The following IGFL2 variants were observed in gnomAD, a reference collection of about 807,000 sequenced individuals.
IGFL2 encodes insulin growth factor-like family member 2.
IGFL2 carries 7 observed loss-of-function variants against 13.9 expected under a neutral mutation model. The ratio of observed to expected loss-of-function variants is 0.51; its 90% CI spans 0.29 to 0.95. The LOEUF is 0.95. Ranked by LOEUF, IGFL2 falls within the 40% of genes least tolerant of loss-of-function variation. The probability of loss-of-function intolerance (pLI) is 0.08; values close to 1 mark genes in which losing one functional copy is unlikely to be tolerated. For missense variants in IGFL2, 138 were observed against 147.8 expected (o/e 0.93, Z 0.34); for synonymous variants, 55 against 55.8 (o/e 0.99, Z 0.07).
the IGFL2 span, among the ~76,000 whole-genome samples, chr19:46,167,721 T>C: frequency 6.6e-6 from 1 of 152,120 alleles, no homozygotes; most frequent in Non-Finnish European, 1.5e-5. Flanking sequence ...AGGAAGTGCT[T>C]GAGGTCATAA....
the IGFL2 span, chr19:46,124,109 A>T: frequency 6.7e-5 from 108 of 1,610,938 alleles, 2 homozygotes; most frequent in Non-Finnish European, 8.6e-5. Flanking sequence ...TTGTTCCCAC[A>T]CCTGGGTGTC....
chr19:46,101,422 G>A, the IGFL2 span, among the ~76,000 whole-genome samples: 1 of 152,046 alleles, frequency 6.6e-6, no homozygotes, highest in Non-Finnish European at 1.5e-5. Flanking sequence ...CCTGGCTGGG[G>A]TAGCTGAAGT....
chr19:46,122,848 G>A, the IGFL2 span, among the ~76,000 whole-genome samples: 1 of 150,844 alleles, frequency 6.6e-6, no homozygotes, highest in Non-Finnish European at 1.5e-5. Flanking sequence ...GGAGGAAGGG[G>A]AGGAAGGACT....
upstream of IGFL2, among the ~76,000 whole-genome samples, chr19:46,140,751 G>A (rs1381967439): frequency 6.6e-6 from 1 of 152,134 alleles, no homozygotes; most frequent in East Asian, 1.9e-4. Context: ...ACCAGTACCA[G>A]GACAGGAAAA....
chr19:46,197,462 A>T, the IGFL2 span: 1 of 153,456 alleles, frequency 6.5e-6, no homozygotes, highest in East Asian at 2.0e-4. Context: ...TCACAACCTC[A>T]CTCTCTCAAC....
the IGFL2 span, among the ~76,000 whole-genome samples, chr19:46,091,233 A>G: frequency 6.6e-6 from 1 of 152,204 alleles, no homozygotes; most frequent in South Asian, 2.1e-4. Context: ...CCTCATAGAA[A>G]AACATTTGTA....
the IGFL2 span, among the ~76,000 whole-genome samples, chr19:46,078,882 A>G: frequency 8.2e-6 from 1 of 122,140 alleles, no homozygotes; most frequent in African/African-American, 3.1e-5. Flanking sequence ...GACATCGCGC[A>G]GGCGTCGTCA....
the IGFL2 span, among the ~76,000 whole-genome samples, chr19:46,128,120 T>G: frequency 6.6e-6 from 1 of 152,154 alleles, no homozygotes; most frequent in African/African-American, 2.4e-5. Flanking sequence ...TGATTTGGCT[T>G]TACTGTTGTT....
At chr19:46,092,766 C>A in the IGFL2 span, among the ~76,000 whole-genome samples, 2 of 151,978 alleles carry the variant, frequency 1.3e-5, 1 homozygote, top group South Asian at 4.1e-4. Context: ...CAGGTGTGAG[C>A]CATCATGCCT....
chr19:46,088,515 C>T, the IGFL2 span, among the ~76,000 whole-genome samples: 2 of 152,162 alleles, frequency 1.3e-5, no homozygotes, highest in Admixed American at 6.5e-5. Context: ...TGAATGGTGC[C>T]ATCATTCATC....
At chr19:46,102,485 G>A in the IGFL2 span, among the ~76,000 whole-genome samples, 1 of 152,124 alleles carries the variant, frequency 6.6e-6, no homozygotes, top group South Asian at 2.1e-4. Context: ...TTAATGGTGG[G>A]GAGGGTGTAT....
intron 1 of IGFL2, chr19:46,149,165 C>CTCTCTCTCTCT (rs1460895685): frequency 1.7e-4 from 112 of 675,096 alleles, no homozygotes; most frequent in Non-Finnish European, 2.4e-4. Flanking sequence ...TCTCTCTTCT[C>CTCTCTCTCTCT]TCTCTCTCTC....
the IGFL2 span, among the ~76,000 whole-genome samples, chr19:46,172,185 G>T: frequency 1.3e-5 from 2 of 152,162 alleles, no homozygotes; most frequent in South Asian, 2.1e-4. Context: ...AGAAGAAATC[G>T]TGTAAAGCCT....
At chr19:46,088,483 C>T in the IGFL2 span, among the ~76,000 whole-genome samples, 6 of 152,160 alleles carry the variant, frequency 3.9e-5, no homozygotes, top group African/African-American at 1.4e-4. Flanking sequence ...TATATATTTA[C>T]ACTTCGTGTT....
the IGFL2 span, among the ~76,000 whole-genome samples, chr19:46,205,075 C>A: frequency 6.6e-6 from 1 of 152,254 alleles, no homozygotes; most frequent in African/African-American, 2.4e-5. Context: ...GCGTGAGCCA[C>A]CGTGCCCAGC....
At chr19:46,185,650 C>T in the IGFL2 span, among the ~76,000 whole-genome samples, 2 of 152,186 alleles carry the variant, frequency 1.3e-5, no homozygotes, top group Non-Finnish European at 2.9e-5. Context: ...CCTGTTTATT[C>T]CTAGAGCTTT....
chr19:46,145,787 C>T (rs767806765), upstream of IGFL2, among the ~76,000 whole-genome samples: 10 of 151,956 alleles, frequency 6.6e-5, no homozygotes, highest in Non-Finnish European at 1.0e-4. Flanking sequence ...TGTATGTCCT[C>T]TTTTGTAAAG....
the IGFL2 span, chr19:46,212,818 C>G: frequency 6.6e-6 from 1 of 152,012 alleles, no homozygotes; most frequent in African/African-American, 2.4e-5. Flanking sequence ...TGACACAAAG[C>G]CTGGGACATG....
At chr19:46,202,429 C>T in the IGFL2 span, 1 of 151,908 alleles carries the variant, frequency 6.6e-6, no homozygotes, top group Non-Finnish European at 1.5e-5. Flanking sequence ...AGAACACAGG[C>T]TAAGGGAGAA....
Sources: gnomAD v4.1 joint callset for allele counts (sites outside exome capture counted in the v4.1 genomes callset) on GRCh38, gnomAD v4.1.1 for gene constraint, MANE v1.5 for transcripts, NCBI Gene and HGNC (gene_info 2026-07-23, HGNC 2026-07-21) for gene names.